Variants in OSBPL3 observed in about 807,000 individuals in gnomAD.
OSBPL3 encodes oxysterol-binding protein-related protein 3.
Under a neutral mutation model 120.1 loss-of-function variants are expected in OSBPL3, and 65 were observed. That is an observed-to-expected ratio of 0.54 (90% CI 0.44 to 0.67). The LOEUF (loss-of-function observed/expected upper bound fraction) is 0.67, where lower values mean the gene tolerates loss of function less well. Ranked by LOEUF, OSBPL3 falls within the 30% of genes least tolerant of loss-of-function variation. The pLI, the probability that OSBPL3 is intolerant of heterozygous loss-of-function variation, is 0.00. For missense variants in OSBPL3, 1,004 were observed against 1,082.1 expected, an observed-to-expected ratio of 0.93 and a Z score of 1.01; for synonymous variants, 416 against 402.6, an observed-to-expected ratio of 1.03 and a Z score of -0.40.
rs889833013 is a variant in OSBPL3, at chr7:24,896,456, G to A, written c.-149-3835C>T. Among the ~76,000 whole-genome samples the A allele has an allele frequency of 3.3e-5, 5 of 152,182 alleles. No homozygotes were observed. Among genetic ancestry groups the A allele is most frequent in the Admixed American group, 2.0e-4 (3 of 15,276 alleles). On this transcript the variant is annotated intron_variant, in intron 1 of 22. Transcript: ENST00000313367. The surrounding 1 kb of genome is among the most constrained non-coding windows in gnomAD (Gnocchi z 4.4). ...GACATGCAAACATAAGCTGTCCTGG[G>A]GCTTCCACTAGGAAAAGAGAACCCT...
At position 24,872,448 on chromosome 7, in the gene OSBPL3, A is replaced by AGTGTGTGTGTGTGTGT. The variant is rs371127031; in HGVS notation, c.97-395_97-380dup. On this transcript the variant is annotated intron_variant, in intron 2 of 22. Coordinates refer to ENST00000313367, the MANE Select transcript of OSBPL3 (RefSeq NM_015550.4). The surrounding 1 kb of genome is among the most constrained non-coding windows in gnomAD (Gnocchi z 4.1). ...TCAGTCTGAATTTTAACCGAAAGAGAGTGTGTGTGTGTGTGTGTGTGTGTG... is the reference window on the plus strand; with the variant it reads ...TCAGTCTGAATTTTAACCGAAAGAGAGTGTGTGTGTGTGTGTGTGTGTGTGTGTGTGTGTGTGTGTG... Among the ~76,000 whole-genome samples the AGTGTGTGTGTGTGTGT allele has an allele frequency of 2.3e-4, 33 of 144,886 alleles. No homozygotes were observed. The highest frequency in any genetic ancestry group is 6.7e-4 in the African/African-American group (26 of 38,704).
At position 24,804,568 on chromosome 7, in the gene OSBPL3, C is replaced by T; in HGVS notation, c.2445-131G>A. 2 of 713,350 alleles carry T rather than the reference C, an allele frequency of 2.8e-6. No individual in the cohort carries two copies. Among genetic ancestry groups the T allele is most frequent in the Non-Finnish European group, 4.6e-6 (2 of 438,608 alleles). The allele number at this position is 713,350 out of a possible 1,614,324, so 44.2% of individuals were successfully genotyped here. On this transcript the variant is annotated intron_variant, in intron 21 of 22. Coordinates refer to ENST00000313367, the MANE Select transcript of OSBPL3 (RefSeq NM_015550.4). The surrounding 1 kb of genome is among the most constrained non-coding windows in gnomAD (Gnocchi z 5.4). ...TCCTATACGTAAGACCCCGCCCCAACCGTTTAATCCGTATCTTGAAGTAGT... is the reference window on the plus strand; with the variant it reads ...TCCTATACGTAAGACCCCGCCCCAATCGTTTAATCCGTATCTTGAAGTAGT...
chr7:24,860,934 C>G (rs374211578), intron 10 of OSBPL3, among the ~76,000 whole-genome samples: 10 of 152,152 alleles, frequency 6.6e-5, no homozygotes, highest in Non-Finnish European at 1.3e-4. Context: ...TTATCTGGAA[C>G]AAATGCTCAG....
chr7:24,930,743 G>A lies in OSBPL3; in HGVS notation c.-149-38122C>T, dbSNP rs1030528346. Among the ~76,000 whole-genome samples the A allele has an allele frequency of 3.3e-5, 5 of 152,160 alleles. No homozygotes were observed. Among genetic ancestry groups the A allele is most frequent in the Non-Finnish European group, 7.3e-5 (5 of 68,036 alleles). On this transcript the variant is annotated intron_variant, in intron 1 of 22. Transcript: ENST00000313367. The surrounding 1 kb of genome is among the most constrained non-coding windows in gnomAD (Gnocchi z 4.4). ...GTTTTGCACAGTCCCAAAGGGTCTG[G>A]CTCTCTGAAAGCCTTCTGTGGAGTC...
At chr7:24,902,572 C>T (rs1279106155) in intron 1 of OSBPL3, among the ~76,000 whole-genome samples, 2 of 152,052 alleles carry the variant, frequency 1.3e-5, no homozygotes, top group Non-Finnish European at 2.9e-5. Context: ...GGAACTGCTG[C>T]ATCTTAAGGT....
chr7:24,875,709 T>C (rs1456883956), intron 2 of OSBPL3, among the ~76,000 whole-genome samples: 3 of 151,524 alleles, frequency 2.0e-5, no homozygotes, highest in African/African-American at 7.3e-5. Context: ...TGAGACCCAG[T>C]CTCTTAAAAA....
Position 24,831,493 on chromosome 7 carries a change from C to CA in OSBPL3, c.1747-589dup, listed in dbSNP as rs148829949. The stretch of plus-strand genomic sequence containing the variant: ...TTTTTGGGAGGAAAAGTGAAACATC[C>CA]AAAAAAAAAATTAAAATAAAGAGAG... On this transcript the variant is annotated intron_variant, in intron 15 of 22. Coordinates refer to ENST00000313367, the MANE Select transcript of OSBPL3 (RefSeq NM_015550.4). This position sits in a 1 kb window ranked among gnomAD's most constrained non-coding sequence, Gnocchi z 4.0. 7.3e-4 allele frequency among the ~76,000 whole-genome samples: 109 copies of CA among 148,406 alleles called. No homozygotes were observed. The highest frequency in any genetic ancestry group is 2.2e-3 in the African/African-American group (89 of 40,310).
chr7:24,800,354 C>T, intron 22 of OSBPL3, 75 bp from the exon 23 acceptor site: 1 of 820,740 alleles, frequency 1.2e-6, no homozygotes, highest in Non-Finnish European at 2.0e-6. Flanking sequence ...CCTTCCTAAC[C>T]TCCCTGCTTT....
Position 24,865,385 on chromosome 7 carries a change from T to TG in OSBPL3, c.629dup (p.Leu211IlefsTer54). On this transcript the variant is annotated frameshift_variant, in exon 7 of 23. Coordinates refer to ENST00000313367, the MANE Select transcript of OSBPL3 (RefSeq NM_015550.4). LOFTEE classifies it high-confidence loss of function. Reference sequence around the variant, plus strand: ...TGTCCTCTGAAGACTGTAACCATAATGGAACTCGTGTCTCACCACCACAAG... The same window carrying TG: ...TGTCCTCTGAAGACTGTAACCATAATGGGAACTCGTGTCTCACCACCACAAG... 6.2e-7 allele frequency: 1 copy of TG among 1,613,834 alleles called. No homozygotes were observed. Among genetic ancestry groups the TG allele is most frequent in the Non-Finnish European group, 8.5e-7 (1 of 1,179,722 alleles).
rs1365817626 is a variant in OSBPL3, at chr7:24,913,266, T to C, written c.-149-20645A>G. Among the ~76,000 whole-genome samples the C allele has an allele frequency of 6.6e-6, 1 of 152,282 alleles. No individual in the cohort carries two copies. The highest frequency in any genetic ancestry group is 1.9e-4 in the East Asian group (1 of 5,188). On this transcript the variant is annotated intron_variant, in intron 1 of 22. Coordinates refer to ENST00000313367, the MANE Select transcript of OSBPL3 (RefSeq NM_015550.4). The surrounding 1 kb of genome is among the most constrained non-coding windows in gnomAD (Gnocchi z 5.3). ...TTTTGGGGTTGTTTGTGACACTGCATTAGATCGCTGAAACCCCAGGCAGGA... is the reference window on the plus strand; with the variant it reads ...TTTTGGGGTTGTTTGTGACACTGCACTAGATCGCTGAAACCCCAGGCAGGA...
rs533554335 is a variant in OSBPL3 at position 24,967,541 on chromosome 7, T to C, written c.-150+12345A>G. 1.3e-5 allele frequency among the ~76,000 whole-genome samples: 2 copies of C among 152,338 alleles called. No homozygotes were observed. The highest frequency in any genetic ancestry group is 2.1e-4 in the South Asian group (1 of 4,822). ...AAAAAGTACCCACCCCAGAGAATGA[T>C]TGTGAGAATTAAATCAGGTGATGTT... On this transcript the variant is annotated intron_variant, in intron 1 of 22. Coordinates refer to ENST00000313367, the MANE Select transcript of OSBPL3 (RefSeq NM_015550.4). This position sits in a 1 kb window ranked among gnomAD's most constrained non-coding sequence, Gnocchi z 5.6.
intron 1 of OSBPL3, among the ~76,000 whole-genome samples, chr7:24,908,178 T>C (rs993252846): frequency 2.6e-5 from 4 of 152,230 alleles, no homozygotes; most frequent in African/African-American, 4.8e-5. Context: ...GGGGATTTCA[T>C]TTCCTGGTTC....
At chr7:24,812,095 T>C (rs1347559484) in intron 19 of OSBPL3, among the ~76,000 whole-genome samples, 1 of 151,920 alleles carries the variant, frequency 6.6e-6, no homozygotes, top group African/African-American at 2.4e-5. Flanking sequence ...TCACTTGAGG[T>C]CCGGAGTTCG....
Position 24,891,146 on chromosome 7 carries a change from C to T in OSBPL3, c.96+1231G>A, listed in dbSNP as rs902801165. Among the ~76,000 whole-genome samples, 3 of 152,034 alleles carry T rather than the reference C, an allele frequency of 2.0e-5. No individual in the cohort carries two copies. The highest frequency in any genetic ancestry group is 4.4e-5 in the Non-Finnish European group (3 of 68,014). On this transcript the variant is annotated intron_variant, in intron 2 of 22. Coordinates refer to ENST00000313367, the MANE Select transcript of OSBPL3 (RefSeq NM_015550.4). The surrounding 1 kb of genome is among the most constrained non-coding windows in gnomAD (Gnocchi z 4.1). ...TGACAAAGAGGACAAGCACAGTGACCCTCATGAAAACAGAACTGCAGGGAG... is the reference window on the plus strand; with the variant it reads ...TGACAAAGAGGACAAGCACAGTGACTCTCATGAAAACAGAACTGCAGGGAG...
Position 24,799,981 on chromosome 7 carries a change from A to G in OSBPL3, c.*202T>C, listed in dbSNP as rs562499348. 4.5e-4 allele frequency: 144 copies of G among 318,672 alleles called. No individual in the cohort carries two copies. Among genetic ancestry groups the G allele is most frequent in the African/African-American group, 2.8e-3 (129 of 46,826 alleles). The allele number at this position is 318,672 out of a possible 1,614,324, so 19.7% of individuals were successfully genotyped here. ...ATAAAAAGAAATGTCAAGGTGTTCT[A>G]CATTCATATAAACAATCAGGGTAAC... is the stretch of plus-strand genomic sequence containing the variant. On this transcript the variant is annotated 3_prime_UTR_variant, in exon 23 of 23. Transcript: ENST00000313367. This position sits in a 1 kb window ranked among gnomAD's most constrained non-coding sequence, Gnocchi z 5.3.
intron 1 of OSBPL3, among the ~76,000 whole-genome samples, chr7:24,954,046 G>A (rs1814755945): frequency 6.6e-6 from 1 of 152,138 alleles, no homozygotes; most frequent in African/African-American, 2.4e-5. Flanking sequence ...CTTCATCCAA[G>A]ACCTTCCTTC....
intron 1 of OSBPL3, among the ~76,000 whole-genome samples, chr7:24,961,375 A>C (rs566067120): frequency 1.2e-4 from 19 of 152,262 alleles, no homozygotes; most frequent in Admixed American, 5.9e-4. Flanking sequence ...TAACAAGAAG[A>C]AGCATCTGCT....
chr7:24,892,182 T>A (rs1805449646), intron 2 of OSBPL3, among the ~76,000 whole-genome samples, 195 bp downstream of exon 2: 1 of 152,132 alleles, frequency 6.6e-6, no homozygotes, highest in African/African-American at 2.4e-5. Flanking sequence ...AAGAACCAAA[T>A]GCAGTTCTTC....
At chr7:24,861,135 A>C (rs758302085) in intron 10 of OSBPL3, among the ~76,000 whole-genome samples, 26 of 152,210 alleles carry the variant, frequency 1.7e-4, no homozygotes, top group Admixed American at 6.5e-4. Flanking sequence ...GTGTGTAGTG[A>C]TATCTCATCA....
Sources: allele counts gnomAD v4.1 joint callset (sites outside exome capture counted in the v4.1 genomes callset), GRCh38; gene constraint gnomAD v4.1.1; non-coding constraint Gnocchi (gnomAD v3.1); transcripts MANE v1.5; gene names NCBI Gene and HGNC (gene_info 2026-07-23, HGNC 2026-07-21).